Variants in NFE2L3 observed in about 807,000 individuals in gnomAD.
NFE2L3 encodes NFE2 like bZIP transcription factor 3.
NFE2L3 carries 18 observed loss-of-function variants against 23.5 expected under a neutral mutation model. That is an observed-to-expected ratio of 0.77 (90% CI 0.53 to 1.13). The LOEUF (loss-of-function observed/expected upper bound fraction) is 1.13, where lower values mean the gene tolerates loss of function less well. Ranked by LOEUF, NFE2L3 falls within the 50% of genes most tolerant of loss-of-function variation. The pLI is 0.00. For missense variants in NFE2L3, 1,152 were observed against 877.2 expected, an observed-to-expected ratio of 1.31 and a Z score of -3.96; for synonymous variants, 424 against 354.5, an observed-to-expected ratio of 1.20 and a Z score of -2.20.
chr7:26,167,704 ATTGAG>A (rs1757119763), intron 1 of NFE2L3, among the ~76,000 whole-genome samples: 1 of 152,210 alleles, frequency 6.6e-6, no homozygotes, highest in Admixed American at 6.5e-5. Context: ...GCTCCATGTC[ATTGAG>A]TTGAGAAGAA....
At chr7:26,158,673 T>C (rs1784123855) in intron 1 of NFE2L3, among the ~76,000 whole-genome samples, 1 of 152,220 alleles carries the variant, frequency 6.6e-6, no homozygotes, top group Non-Finnish European at 1.5e-5. Context: ...CCAAGTCTCT[T>C]GTATCATTCT....
chr7:26,156,901 A>G (rs2128097207), intron 1 of NFE2L3, among the ~76,000 whole-genome samples: 1 of 152,132 alleles, frequency 6.6e-6, no homozygotes, highest in East Asian at 1.9e-4. Context: ...TTACGAGATC[A>G]AGACATCGAG....
intron 3 of NFE2L3, chr7:26,184,137 A>G (rs908336435): frequency 2.9e-6 from 1 of 342,070 alleles, no homozygotes; most frequent in Non-Finnish European, 5.3e-6. Context: ...TTTAGCGCTT[A>G]GAGGCATTTA....
At position 26,152,913 on chromosome 7, in the gene NFE2L3, G is replaced by A. The variant is rs1784020523; in HGVS notation, c.415G>A (p.Ala139Thr). ...CGCCGCCGCCTCGTCCACCGGAGGA[G>A]CCGGCGCCAGCGTGGACGGCGGCAG... The part of the protein sequence containing the change: ...GAAAASSTGG[A>T]GASVDGGSQA... Residue 139 changes from alanine to threonine, a missense_variant, in exon 1 of 4, where the codon GCC becomes ACC. Coordinates refer to ENST00000056233, the MANE Select transcript of NFE2L3 (RefSeq NM_004289.7). The surrounding 1 kb of genome is among the most constrained non-coding windows in gnomAD (Gnocchi z 4.4). The A allele has an allele frequency of 4.9e-6, 7 of 1,442,826 alleles. No individual in the cohort carries two copies. The highest frequency in any genetic ancestry group is 4.5e-6 in the Non-Finnish European group (5 of 1,109,618). 89.4% of individuals were successfully genotyped at this position (1,442,826 alleles called of 1,614,324 possible).
rs757538883 is a variant in NFE2L3, at chr7:26,185,040, G to T, written c.1342G>T (p.Gly448Cys). The T allele has an allele frequency of 6.2e-7, 1 of 1,613,744 alleles. No individual in the cohort carries two copies. The highest frequency in any genetic ancestry group is 8.5e-7 in the Non-Finnish European group (1 of 1,179,814). ...CTCTGTGTGTGATGAAGGTGCTATA[G>T]GTTATTGCACTGACCATGAATCTAG... ...SHSVCDEGAI[G>C]YCTDHESSSH... Residue 448 changes from glycine (G) to cysteine (C), a missense_variant, in exon 4 of 4, where the codon GGT becomes TGT. Gly to Cys is a radical substitution (Grantham distance 159, BLOSUM62 -3). Transcript: ENST00000056233.
In NFE2L3 at chr7:26,185,340, C is replaced by T. The variant is rs750070657; in HGVS notation, c.1642C>T (p.Pro548Ser). The T allele has an allele frequency of 6.8e-6, 11 of 1,614,036 alleles. No individual in the cohort carries two copies. The highest frequency in any genetic ancestry group is 7.6e-6 in the Non-Finnish European group (9 of 1,179,966). ...ACAGCGTGCTAAAGCTTTGCATATC[C>T]CTTTTTCTGTAGATGAAATTGTCGG... Reference protein sequence around the residue: ...DEQRAKALHIPFSVDEIVGMP... With the variant: ...DEQRAKALHISFSVDEIVGMP... Residue 548 changes from proline (P) to serine (S), a missense_variant, in exon 4 of 4, where the codon CCT becomes TCT. Coordinates refer to ENST00000056233, the MANE Select transcript of NFE2L3 (RefSeq NM_004289.7).
chr7:26,161,346 TTTTTTTTTTTTTTTTTTTG>T (rs976974621), intron 1 of NFE2L3, among the ~76,000 whole-genome samples: 2 of 95,512 alleles, frequency 2.1e-5, no homozygotes, highest in African/African-American at 5.0e-5. Flanking sequence ...TTTTTTTTTT[TTTTTTTTTTTTTTTTTTTG>T]GGTCTTACCT....
intron 2 of NFE2L3, among the ~76,000 whole-genome samples, chr7:26,179,518 T>C (rs1042805711): frequency 3.6e-5 from 5 of 137,376 alleles, no homozygotes; most frequent in Non-Finnish European, 7.8e-5. Context: ...AAAAAAAAAG[T>C]ATAACCCAAT....
chr7:26,161,353 TTTTTTTTTTTTG>T lies in NFE2L3; in HGVS notation c.570+8286_570+8297del, dbSNP rs1372912611. On this transcript the variant is annotated intron_variant, in intron 1 of 3. Coordinates refer to ENST00000056233, the MANE Select transcript of NFE2L3 (RefSeq NM_004289.7). ...TCTCTCTCTTTTTTTTTTTTTTTTTTTTTTTTTTTTTGGGTCTTACCTTTCTTTAGAGTTTCT... is the reference window on the plus strand; with the variant it reads ...TCTCTCTCTTTTTTTTTTTTTTTTTTGGTCTTACCTTTCTTTAGAGTTTCT... Among the ~76,000 whole-genome samples, 739 of 104,160 alleles carry T rather than the reference TTTTTTTTTTTTG, an allele frequency of 7.1e-3. 14 individuals carry two copies. The highest frequency in any genetic ancestry group is 0.029 in the African/African-American group (672 of 22,928). 68.3% of individuals were successfully genotyped at this position (104,160 alleles called of 152,430 possible). A position where few individuals can be genotyped will look rare whatever the true frequency, so the allele number is the denominator to read the frequency against.
chr7:26,163,179 C>T (rs1436698728), intron 1 of NFE2L3, among the ~76,000 whole-genome samples: 1 of 152,146 alleles, frequency 6.6e-6, no homozygotes, highest in African/African-American at 2.4e-5. Context: ...CCAGACATTT[C>T]TTAGCAAGGA....
intron 1 of NFE2L3, among the ~76,000 whole-genome samples, chr7:26,161,335 C>CTTTTTTTTTTTTTTTTTTTTT: frequency 1.4e-5 from 1 of 69,564 alleles, no homozygotes; most frequent in Non-Finnish European, 2.8e-5. Context: ...GCTTCTCTCT[C>CTTTTTTTTTTTTTTTTTTTTT]TTTTTTTTTT....
intron 2 of NFE2L3, among the ~76,000 whole-genome samples, chr7:26,182,310 A>ACGAAGC (rs1784531109): frequency 2.5e-5 from 3 of 121,136 alleles, no homozygotes; most frequent in Admixed American, 2.3e-4. Flanking sequence ...TTAACTCATC[A>ACGAAGC]TTTAAGCATG....
Position 26,185,275 on chromosome 7 carries a change from G to A in NFE2L3, c.1577G>A (p.Arg526Lys), listed in dbSNP as rs149290980. 32 of 1,614,022 alleles carry A rather than the reference G, an allele frequency of 2.0e-5. No individual in the cohort carries two copies. In the African/African-American group the frequency reaches 2.5e-4, roughly 13 times the overall value. ...WPGKSQKIRS[R>K]YLEDTDRNLS... ...GGGAAGTCACAGAAGATAAGGAGTA[G>A]ATACCTTGAAGACACAGATAGAAAC... Residue 526 changes from arginine to lysine, a missense_variant, in exon 4 of 4, where the codon AGA becomes AAA. Physicochemically the swap from Arg to Lys is conservative, Grantham distance 26 (BLOSUM62 2). Transcript: ENST00000056233.
At chr7:26,154,589 T>C (rs1784052853) in intron 1 of NFE2L3, among the ~76,000 whole-genome samples, 1 of 152,176 alleles carries the variant, frequency 6.6e-6, no homozygotes, top group African/African-American at 2.4e-5. Context: ...CTTGCTCTGT[T>C]GCCCAGGCTG....
At chr7:26,158,997 C>G (rs1288151112) in intron 1 of NFE2L3, among the ~76,000 whole-genome samples, 1 of 152,154 alleles carries the variant, frequency 6.6e-6, no homozygotes, top group South Asian at 2.1e-4. Context: ...GGGCTTGTAC[C>G]GCTTCTTCCC....
At position 26,183,718 on chromosome 7, in the gene NFE2L3, A is replaced by G; in HGVS notation, c.768A>G (p.Thr256=). The part of the protein sequence containing the change: ...ESRNERHLNG[T]DTSFSLEDLF... ...CTCTACAGAGACATCTGAATGGGAC[A>G]GATACTTCTTTCTCTCTGGAAGACT... The change falls in exon 3 of 4, where the codon ACA becomes ACG. Residue 256 remains threonine (T), a synonymous_variant. Transcript: ENST00000056233. The G allele has an allele frequency of 6.2e-7, 1 of 1,611,660 alleles. No individual in the cohort carries two copies.
intron 1 of NFE2L3, among the ~76,000 whole-genome samples, chr7:26,162,097 C>G: frequency 6.7e-6 from 1 of 150,064 alleles, no homozygotes; most frequent in East Asian, 1.9e-4. Flanking sequence ...GAGCTGAGAT[C>G]ACGCCACTGC....
chr7:26,158,559 G>A (rs1784122026), intron 1 of NFE2L3, among the ~76,000 whole-genome samples: 1 of 152,136 alleles, frequency 6.6e-6, no homozygotes, highest in African/African-American at 2.4e-5. Context: ...GAAAATCTGG[G>A]GTTTTGCTGG....
intron 1 of NFE2L3, among the ~76,000 whole-genome samples, chr7:26,175,647 C>G (rs1253289735): frequency 6.6e-6 from 1 of 151,616 alleles, no homozygotes; most frequent in Non-Finnish European, 1.5e-5. Context: ...GGTGTGGTGC[C>G]GGGCACCTGT....
Sources: gnomAD v4.1 joint callset for allele counts (sites outside exome capture counted in the v4.1 genomes callset) on GRCh38, gnomAD v4.1.1 for gene constraint, Gnocchi (gnomAD v3.1) non-coding constraint, MANE v1.5 for transcripts, NCBI Gene and HGNC (gene_info 2026-07-23, HGNC 2026-07-21) for gene names.